ADCY1: variants seen among roughly 807,000 people sequenced by gnomAD.
ADCY1 encodes adenylate cyclase 1, also known as adenylate cyclase type 1.
A neutral mutation model predicts 105.4 loss-of-function variants in ADCY1; 28 were observed. The observed-to-expected ratio is 0.27, with a 90% CI of 0.20 to 0.36. ADCY1 has a LOEUF of 0.36. ADCY1 is among the 10% of genes least tolerant of loss of function. ADCY1 has a pLI of 1.00. For synonymous variants in ADCY1, 655 were observed against 623.8 expected (o/e 1.05, Z -0.75); for missense variants, 977 against 1,434.2 (o/e 0.68, Z 5.15).
intron 17 of ADCY1, among the ~76,000 whole-genome samples, chr7:45,705,361 G>T (rs564473928): frequency 7.9e-5 from 12 of 152,144 alleles, no homozygotes; most frequent in South Asian, 2.1e-4. Flanking sequence ...TGAATGGAAA[G>T]AATTATATAC....
At chr7:45,661,594 GA>G (rs773315352) in intron 7 of ADCY1, among the ~76,000 whole-genome samples, 2 of 152,140 alleles carry the variant, frequency 1.3e-5, no homozygotes, top group Non-Finnish European at 2.9e-5. Context: ...ATTTCACCCA[GA>G]ACATGAGGAC....
rs757879059 is a variant in ADCY1 at position 45,721,559 on chromosome 7, CAGG to C, written c.*7567_*7569del. 5 of 397,488 alleles carry C rather than the reference CAGG, an allele frequency of 1.3e-5. No individual in the cohort carries two copies. Among genetic ancestry groups the C allele is most frequent in the African/African-American group, 2.1e-5 (1 of 48,604 alleles). The allele number at this position is 397,488 out of a possible 1,614,324, so 24.6% of individuals were successfully genotyped here. A position where few individuals can be genotyped will look rare whatever the true frequency, so the allele number is the denominator to read the frequency against. On this transcript the variant is annotated 3_prime_UTR_variant, in exon 20 of 20. Transcript: ENST00000297323. ...ATTTCTTCCCTGCTCAGCTTCTGCT[CAGG>C]AGTTCTGTGAGCTATGGGAAGGCCA... is the stretch of plus-strand genomic sequence containing the variant.
At position 45,721,344 on chromosome 7, in the gene ADCY1, G is replaced by T; in HGVS notation, c.*7349G>T. On this transcript the variant is annotated 3_prime_UTR_variant, in exon 20 of 20. Transcript: ENST00000297323. ...CCCCAGCAAGGAAATAAAATGTTAG[G>T]CTTTAAAAATCCCTACTTTGTCATA... is the stretch of plus-strand genomic sequence containing the variant. 1 of 222,404 alleles carries T rather than the reference G, an allele frequency of 4.5e-6. No individual in the cohort carries two copies. Among genetic ancestry groups the T allele is most frequent in the Non-Finnish European group, 8.7e-6 (1 of 114,358 alleles). The allele number at this position is 222,404 out of a possible 1,614,324, so 13.8% of individuals were successfully genotyped here. A position where few individuals can be genotyped will look rare whatever the true frequency, so the allele number is the denominator to read the frequency against.
chr7:45,723,062 A>G lies in ADCY1; in HGVS notation c.*9067A>G, dbSNP rs1241433059. 6.6e-6 allele frequency: 1 copy of G among 152,108 alleles called. No homozygotes were observed. The highest frequency in any genetic ancestry group is 6.6e-5 in the Admixed American group (1 of 15,182). 9.4% of individuals were successfully genotyped at this position (152,108 alleles called of 1,614,324 possible). On this transcript the variant is annotated 3_prime_UTR_variant, in exon 20 of 20. Coordinates refer to ENST00000297323, the MANE Select transcript of ADCY1 (RefSeq NM_021116.4). The stretch of plus-strand genomic sequence containing the variant: ...AACTTTTCTACTGAGTGTTTGCACT[A>G]TACTTTCTGGAATCTTATTTAACAA...
At chr7:45,609,687 G>A (rs1006466208) in intron 2 of ADCY1, among the ~76,000 whole-genome samples, 4 of 152,178 alleles carry the variant, frequency 2.6e-5, no homozygotes, top group Non-Finnish European at 5.9e-5. Context: ...AACAGGTCAA[G>A]GGCCAGCTGG....
At chr7:45,610,521 C>T in intron 3 of ADCY1, 24 bp downstream of exon 3, 1 of 1,596,428 alleles carries the variant, frequency 6.3e-7, no homozygotes, top group Non-Finnish European at 8.6e-7. Context: ...TGACCCGGCA[C>T]AGCGGGGAGC....
intron 2 of ADCY1, among the ~76,000 whole-genome samples, chr7:45,603,655 A>G (rs1471275636): frequency 1.3e-5 from 2 of 152,260 alleles, no homozygotes; most frequent in African/African-American, 2.4e-5. Context: ...AACATCCGTC[A>G]CCCTGAGGAT....
intron 14 of ADCY1, among the ~76,000 whole-genome samples, chr7:45,702,005 A>G (rs1785007898): frequency 1.3e-5 from 2 of 152,218 alleles, no homozygotes; most frequent in South Asian, 4.1e-4. Flanking sequence ...TTGTCTTCCC[A>G]GAACACACTT....
intron 8 of ADCY1, among the ~76,000 whole-genome samples, chr7:45,666,229 G>A (rs909154805): frequency 6.6e-6 from 1 of 152,066 alleles, no homozygotes; most frequent in African/African-American, 2.4e-5. Context: ...TTGGTGTGCT[G>A]CACCCATTAA....
intron 1 of ADCY1, among the ~76,000 whole-genome samples, chr7:45,588,899 G>A (rs941924097): frequency 4.0e-5 from 6 of 149,158 alleles, no homozygotes; most frequent in African/African-American, 1.5e-4. Context: ...GTGTGTATGT[G>A]TGTGTGTAAC....
intron 8 of ADCY1, among the ~76,000 whole-genome samples, chr7:45,672,180 A>G (rs1394115269): frequency 6.6e-6 from 1 of 152,128 alleles, no homozygotes; most frequent in Non-Finnish European, 1.5e-5. Context: ...TTTCTCCAGC[A>G]CCATTTGTTG....
rs572428859 is a variant in ADCY1, at chr7:45,656,812, C to T, written c.1149-915C>T. On this transcript the variant is annotated intron_variant, in intron 5 of 19. Coordinates refer to ENST00000297323, the MANE Select transcript of ADCY1 (RefSeq NM_021116.4). Reference sequence around the variant, plus strand: ...TGGTTTGCTGTCACCACCTGATGGCCCACCCCTTAGTCCTTGGAGCTTTTG... The same window carrying T: ...TGGTTTGCTGTCACCACCTGATGGCTCACCCCTTAGTCCTTGGAGCTTTTG... Among the ~76,000 whole-genome samples the T allele has an allele frequency of 1.2e-3, 177 of 152,294 alleles. 1 individual carries two copies. Among genetic ancestry groups the T allele is most frequent in the African/African-American group, 4.0e-3 (167 of 41,568 alleles).
At position 45,721,708 on chromosome 7, in the gene ADCY1, G is replaced by A; in HGVS notation, c.*7713G>A. On this transcript the variant is annotated 3_prime_UTR_variant, in exon 20 of 20. Coordinates refer to ENST00000297323, the MANE Select transcript of ADCY1 (RefSeq NM_021116.4). Reference sequence around the variant, plus strand: ...GGTGCCTTCCCAGGGGTTAGAGGATGTTCAAAGGGCCGATTTCAGCAGGAG... The same window carrying A: ...GGTGCCTTCCCAGGGGTTAGAGGATATTCAAAGGGCCGATTTCAGCAGGAG... 2.5e-6 allele frequency: 1 copy of A among 398,646 alleles called. No individual in the cohort carries two copies. Among genetic ancestry groups the A allele is most frequent in the Non-Finnish European group, 4.4e-6 (1 of 226,138 alleles). 24.7% of individuals were successfully genotyped at this position (398,646 alleles called of 1,614,324 possible).
intron 8 of ADCY1, among the ~76,000 whole-genome samples, chr7:45,670,897 G>A (rs570944460): frequency 2.0e-5 from 3 of 152,328 alleles, no homozygotes; most frequent in South Asian, 4.1e-4. Flanking sequence ...AACCCTTCAC[G>A]TGAACTCTCA....
At chr7:45,627,885 A>C (rs1794108827) in intron 4 of ADCY1, among the ~76,000 whole-genome samples, 1 of 152,124 alleles carries the variant, frequency 6.6e-6, no homozygotes, top group African/African-American at 2.4e-5. Flanking sequence ...CACAAGTCTG[A>C]CTGGCTGTCA....
At chr7:45,645,138 G>A (rs989166636) in intron 4 of ADCY1, among the ~76,000 whole-genome samples, 3 of 152,048 alleles carry the variant, frequency 2.0e-5, no homozygotes, top group African/African-American at 7.2e-5. Flanking sequence ...TGCTTGTAAG[G>A]CCTTGCCACA....
intron 17 of ADCY1, among the ~76,000 whole-genome samples, chr7:45,707,899 T>G (rs2116271681): frequency 6.6e-6 from 1 of 152,336 alleles, no homozygotes; most frequent in East Asian, 1.9e-4. Context: ...AAATAAAAAT[T>G]AGAGACTTTA....
intron 4 of ADCY1, among the ~76,000 whole-genome samples, chr7:45,634,476 T>A (rs1178734187): frequency 2.0e-5 from 3 of 152,062 alleles, no homozygotes; most frequent in African/African-American, 7.2e-5. Context: ...TGTCTAATTC[T>A]TTTGCATCTA....
At chr7:45,679,461 AG>A (rs1198115612) in intron 10 of ADCY1, among the ~76,000 whole-genome samples, 1 of 152,196 alleles carries the variant, frequency 6.6e-6, no homozygotes, top group African/African-American at 2.4e-5. Flanking sequence ...CGGTGGGGGT[AG>A]GAGAAGTGGG....
Sources: gnomAD v4.1 joint callset for allele counts (sites outside exome capture counted in the v4.1 genomes callset) on GRCh38, gnomAD v4.1.1 for gene constraint, MANE v1.5 for transcripts, NCBI Gene and HGNC (gene_info 2026-07-23, HGNC 2026-07-21) for gene names.